The following SLC24A3 variants were observed in gnomAD, a reference collection of about 807,000 sequenced individuals.
SLC24A3 encodes solute carrier family 24 member 3, also known as sodium/potassium/calcium exchanger 3.
A neutral mutation model predicts 75.8 loss-of-function variants in SLC24A3; 28 were observed. That is an observed-to-expected ratio of 0.37 (90% CI 0.27 to 0.51). The LOEUF (loss-of-function observed/expected upper bound fraction) is 0.51. SLC24A3 is among the 20% of genes least tolerant of loss of function. The pLI is 0.94. For synonymous variants in SLC24A3, 372 were observed against 334.1 expected, an observed-to-expected ratio of 1.11 and a Z score of -1.24; for missense variants, 663 against 847.8, an observed-to-expected ratio of 0.78 and a Z score of 2.71.
At chr20:19,331,944 A>C (rs1352218606) in intron 2 of SLC24A3, among the ~76,000 whole-genome samples, 2 of 152,222 alleles carry the variant, frequency 1.3e-5, no homozygotes, top group African/African-American at 4.8e-5. Flanking sequence ...AGTCATTCCT[A>C]TAACCAGCCA....
At chr20:19,546,704 A>G (rs1378377031) in intron 3 of SLC24A3, among the ~76,000 whole-genome samples, 2 of 152,180 alleles carry the variant, frequency 1.3e-5, no homozygotes, top group Non-Finnish European at 2.9e-5. Context: ...ATAGTCACAT[A>G]ATACCCTCAA....
At chr20:19,477,865 T>C (rs781027399) in intron 2 of SLC24A3, among the ~76,000 whole-genome samples, 1 of 152,194 alleles carries the variant, frequency 6.6e-6, no homozygotes, top group South Asian at 2.1e-4. Context: ...AGGAACAAAA[T>C]GGCTACTATT....
intron 3 of SLC24A3, among the ~76,000 whole-genome samples, chr20:19,561,254 G>A (rs1488247184): frequency 6.6e-6 from 1 of 152,200 alleles, no homozygotes; most frequent in Non-Finnish European, 1.5e-5. Context: ...ATGTCCCACA[G>A]ATGTGGAACA....
At chr20:19,306,172 A>T (rs1289161627) in intron 2 of SLC24A3, among the ~76,000 whole-genome samples, 1 of 152,232 alleles carries the variant, frequency 6.6e-6, no homozygotes, top group Non-Finnish European at 1.5e-5. Flanking sequence ...AGCAACAAGA[A>T]GATATCATCT....
chr20:19,711,929 C>T (rs1294134943), intron 15 of SLC24A3, among the ~76,000 whole-genome samples: 2 of 151,706 alleles, frequency 1.3e-5, no homozygotes, highest in African/African-American at 2.4e-5. Flanking sequence ...TGAGCTACCG[C>T]GCCTGGCCGC....
At chr20:19,213,244 C>A in intron 1 of SLC24A3, 1 of 252,504 alleles carries the variant, frequency 4.0e-6, no homozygotes, top group Non-Finnish European at 7.4e-6. Flanking sequence ...CCCGCCTGTG[C>A]GCTGCTTACT....
intron 3 of SLC24A3, among the ~76,000 whole-genome samples, chr20:19,540,713 G>T (rs570466381): frequency 1.3e-5 from 2 of 152,290 alleles, no homozygotes; most frequent in African/African-American, 4.8e-5. Context: ...CTGCATTCAT[G>T]GGTAAGTTTG....
At chr20:19,679,611 A>G (rs1016911819) in intron 9 of SLC24A3, among the ~76,000 whole-genome samples, 2 of 151,328 alleles carry the variant, frequency 1.3e-5, no homozygotes, top group Non-Finnish European at 2.9e-5. Flanking sequence ...GGAGAGGGAG[A>G]CTCACTCTTT....
chr20:19,498,547 T>G lies in SLC24A3; in HGVS notation c.272-16941T>G, dbSNP rs1044767034. 4.6e-5 allele frequency among the ~76,000 whole-genome samples: 7 copies of G among 152,026 alleles called. 1 individual carries two copies. Among genetic ancestry groups the G allele is most frequent in the Admixed American group, 1.3e-4 (2 of 15,272 alleles). The stretch of plus-strand genomic sequence containing the variant: ...ATTTGCCCTATGCAGCCTCACTCAC[T>G]GTGCTGGCTCATGCTGACACCTTCC... On this transcript the variant is annotated intron_variant, in intron 2 of 16. Coordinates refer to ENST00000328041, the MANE Select transcript of SLC24A3 (RefSeq NM_020689.4).
At chr20:19,522,072 A>G (rs73902434) in intron 3 of SLC24A3, among the ~76,000 whole-genome samples, 19,655 of 152,228 alleles carry the variant, frequency 0.13, 1,436 homozygotes, top group African/African-American at 0.17. Context: ...GCCACTGGCC[A>G]TGGGAGCTAT....
At chr20:19,573,002 G>A (rs1004534696) in intron 3 of SLC24A3, among the ~76,000 whole-genome samples, 6 of 152,176 alleles carry the variant, frequency 3.9e-5, no homozygotes, top group African/African-American at 1.4e-4. Flanking sequence ...TTCCCTGGGA[G>A]GTTTAAGATT....
At chr20:19,344,734 A>G (rs1985350003) in intron 2 of SLC24A3, among the ~76,000 whole-genome samples, 1 of 152,072 alleles carries the variant, frequency 6.6e-6, no homozygotes, top group African/African-American at 2.4e-5. Flanking sequence ...GGAGAAATTA[A>G]CTCCCCAGCA....
intron 2 of SLC24A3, among the ~76,000 whole-genome samples, chr20:19,378,608 G>A (rs772970436): frequency 6.6e-6 from 1 of 152,158 alleles, no homozygotes; most frequent in Non-Finnish European, 1.5e-5. Context: ...GTTTTCTTCA[G>A]TAAGATTTAA....
intron 3 of SLC24A3, among the ~76,000 whole-genome samples, chr20:19,545,561 A>T (rs1283585693): frequency 6.6e-6 from 1 of 152,168 alleles, no homozygotes; most frequent in Non-Finnish European, 1.5e-5. Flanking sequence ...TGATGTTAGC[A>T]GGTCCCTCTG....
intron 1 of SLC24A3, among the ~76,000 whole-genome samples, chr20:19,236,331 C>G (rs1982167421): frequency 6.6e-6 from 1 of 152,162 alleles, no homozygotes; most frequent in Admixed American, 6.5e-5. Context: ...TTCCACAAGA[C>G]AGCTCAGGGG....
rs1359000301 is a variant in SLC24A3, at chr20:19,696,908, C to G, written c.1603C>G (p.Gln535Glu). The change falls in exon 14 of 17, where the codon CAA becomes GAA. Residue 535 changes from glutamine to glutamate, a missense_variant. Physicochemically the swap from Gln to Glu is conservative, Grantham distance 29. Coordinates refer to ENST00000328041, the MANE Select transcript of SLC24A3 (RefSeq NM_020689.4). ...DCMASLIVAR[Q>E]GMGDMAVSNS... The stretch of plus-strand genomic sequence containing the variant: ...CATGGCCAGCCTCATTGTGGCCAGA[C>G]AAGGTGGGACTTCCAGTGGCAATGG... 13 of 1,391,796 alleles carry G rather than the reference C, an allele frequency of 9.3e-6. No homozygotes were observed. In the Admixed American group the frequency reaches 2.5e-4, roughly 27 times the overall value. The allele number at this position is 1,391,796 out of a possible 1,614,324, so 86.2% of individuals were successfully genotyped here. A position where few individuals can be genotyped will look rare whatever the true frequency, so the allele number is the denominator to read the frequency against.
chr20:19,663,441 T>A (rs1410448354), intron 7 of SLC24A3, among the ~76,000 whole-genome samples: 2 of 8,528 alleles, frequency 2.3e-4, no homozygotes, highest in African/African-American at 1.3e-3. Flanking sequence ...CTCCGCCTTC[T>A]CATCCTCCTC....
chr20:19,353,444 G>C (rs1448564778), intron 2 of SLC24A3, among the ~76,000 whole-genome samples: 1 of 152,202 alleles, frequency 6.6e-6, no homozygotes, highest in Non-Finnish European at 1.5e-5. Context: ...ACACTCTTTA[G>C]TAGGTGACAA....
intron 6 of SLC24A3, among the ~76,000 whole-genome samples, chr20:19,649,503 A>G (rs558632993): frequency 6.6e-6 from 1 of 152,198 alleles, no homozygotes; most frequent in South Asian, 2.1e-4. Context: ...TATAGTTTTT[A>G]TAGTAACTCT....
Sources: gnomAD v4.1 joint callset for allele counts (sites outside exome capture counted in the v4.1 genomes callset) on GRCh38, gnomAD v4.1.1 for gene constraint, MANE v1.5 for transcripts, NCBI Gene and HGNC (gene_info 2026-07-23, HGNC 2026-07-21) for gene names.